CREB5: variants seen among roughly 807,000 people sequenced by gnomAD.
The protein encoded by CREB5 is cAMP responsive element binding protein 5, also known as cyclic AMP-responsive element-binding protein 5.
A neutral mutation model predicts 57.1 loss-of-function variants in CREB5; 19 were observed. The ratio of observed to expected loss-of-function variants is 0.33; its 90% CI spans 0.23 to 0.49. CREB5 has a LOEUF of 0.49. Ranked by LOEUF, CREB5 falls within the 20% of genes least tolerant of loss-of-function variation. The pLI is 0.99. For missense variants in CREB5, 579 were observed against 671.6 expected (o/e 0.86, Z 1.52); for synonymous variants, 238 against 238.3 (o/e 1.00, Z 0.01).
At chr7:28,356,050 G>A (rs928382683) in intron 1 of CREB5, among the ~76,000 whole-genome samples, 2 of 152,168 alleles carry the variant, frequency 1.3e-5, no homozygotes, top group African/African-American at 4.8e-5. Flanking sequence ...TTGTAAACAC[G>A]CCTCTCTGTT....
rs1787277191 is a variant in CREB5, at chr7:28,393,790, T to G, written c.-25+94349T>G. Among the ~76,000 whole-genome samples the G allele has an allele frequency of 2.0e-5, 3 of 152,240 alleles. 1 individual carries two copies. In the South Asian group the frequency reaches 6.2e-4, roughly 32 times the overall value. On this transcript the variant is annotated intron_variant, in intron 1 of 9. Coordinates refer to the CREB5 transcript ENST00000396299. ...AAATGGTGTAGTGTTAAAGTGGACT[T>G]GGGACTGGGCGCGGTGGCTCACGCC...
intron 5 of CREB5, among the ~76,000 whole-genome samples, chr7:28,608,113 T>TCTCACACACA (rs1484747649): frequency 7.0e-6 from 1 of 143,070 alleles, no homozygotes; most frequent in African/African-American, 2.7e-5. Flanking sequence ...TCTCTCTCTC[T>TCTCACACACA]CACACACACT....
chr7:28,631,624 G>A (rs1184412773), intron 5 of CREB5, among the ~76,000 whole-genome samples: 2 of 152,120 alleles, frequency 1.3e-5, no homozygotes, highest in African/African-American at 2.4e-5. Context: ...TGCAGTGGCA[G>A]CGTGATCTCG....
intron 1 of CREB5, among the ~76,000 whole-genome samples, chr7:28,437,552 T>G (rs1391213650): frequency 6.6e-6 from 1 of 152,194 alleles, no homozygotes; most frequent in Non-Finnish European, 1.5e-5. Flanking sequence ...ACCAAATATT[T>G]TAGTGAGTGC....
At chr7:28,300,504 G>A (rs6978822) in intron 1 of CREB5, among the ~76,000 whole-genome samples, 83,018 of 152,104 alleles carry the variant, frequency 0.55, 25,351 homozygotes, top group East Asian at 0.82. Context: ...GCCCCTGTGC[G>A]TAGTACCTGT....
chr7:28,519,087 C>T (rs11980665), intron 4 of CREB5, among the ~76,000 whole-genome samples: 26,786 of 152,110 alleles, frequency 0.18, 4,059 homozygotes, highest in African/African-American at 0.42. Context: ...GTCCAAAAAG[C>T]GAGCAGGAAA....
intron 4 of CREB5, among the ~76,000 whole-genome samples, chr7:28,529,180 TC>T (rs1258957565): frequency 6.6e-6 from 1 of 152,220 alleles, no homozygotes; most frequent in African/African-American, 2.4e-5. Flanking sequence ...ATCTGGAGGT[TC>T]TGGAGACCAG....
At chr7:28,702,858 G>A (rs1301256118) in intron 5 of CREB5, among the ~76,000 whole-genome samples, 1 of 152,178 alleles carries the variant, frequency 6.6e-6, no homozygotes, top group Non-Finnish European at 1.5e-5. Flanking sequence ...AAGGATGAAT[G>A]AGAATTTGTC....
Position 28,560,911 on chromosome 7 carries a change from T to TGCGCGTGTGTGC in CREB5, c.292-9453_292-9452insCGCGTGTGTGCG, listed in dbSNP as rs1174704522. On this transcript the variant is annotated intron_variant, in intron 4 of 10. Coordinates refer to ENST00000357727, the MANE Select transcript of CREB5 (RefSeq NM_182898.4). ...GCGTGTGTGTGCGTGCGCGCGTGCG[T>TGCGCGTGTGTGC]GTGCGTGTGTGCGCGTGCGTGTGTG... Among the ~76,000 whole-genome samples, 5 of 36,068 alleles carry TGCGCGTGTGTGC rather than the reference T, an allele frequency of 1.4e-4. 1 individual carries two copies. Among genetic ancestry groups the TGCGCGTGTGTGC allele is most frequent in the African/African-American group, 7.7e-4 (5 of 6,522 alleles). 23.7% of individuals were successfully genotyped at this position (36,068 alleles called of 152,430 possible).
chr7:28,589,830 A>G (rs1285975777), intron 5 of CREB5, among the ~76,000 whole-genome samples: 1 of 152,150 alleles, frequency 6.6e-6, no homozygotes. Flanking sequence ...AAGGAGCAGG[A>G]GAGAAAAGGG....
intron 1 of CREB5, among the ~76,000 whole-genome samples, chr7:28,351,566 A>G (rs1000912867): frequency 6.6e-6 from 1 of 152,212 alleles, no homozygotes; most frequent in African/African-American, 2.4e-5. Flanking sequence ...TTAATCATTG[A>G]TATCATTTCA....
intron 4 of CREB5, among the ~76,000 whole-genome samples, chr7:28,522,746 T>C (rs564299697): frequency 6.6e-6 from 1 of 152,312 alleles, no homozygotes; most frequent in South Asian, 2.1e-4. Context: ...TTGAGCTTCG[T>C]CTTAGCTCTG....
At chr7:28,586,795 C>G (rs1796321824) in intron 5 of CREB5, among the ~76,000 whole-genome samples, 3 of 152,232 alleles carry the variant, frequency 2.0e-5, no homozygotes. Flanking sequence ...CTGGCAGCAA[C>G]AAGTGAGAAA....
At chr7:28,686,309 C>A in intron 5 of CREB5, 1 of 754,010 alleles carries the variant, frequency 1.3e-6, no homozygotes, top group South Asian at 1.6e-5. Context: ...ATTTTCTCCC[C>A]CTTCTCCCTT....
intron 1 of CREB5, among the ~76,000 whole-genome samples, chr7:28,321,226 T>G (rs1055405463): frequency 1.3e-5 from 2 of 152,216 alleles, no homozygotes; most frequent in Non-Finnish European, 2.9e-5. Context: ...TCCTCTTTTT[T>G]TTTGTACCCT....
intron 7 of CREB5, among the ~76,000 whole-genome samples, chr7:28,787,418 C>A (rs1178663399): frequency 6.6e-6 from 1 of 152,174 alleles, no homozygotes; most frequent in Non-Finnish European, 1.5e-5. Context: ...TCTAATATAC[C>A]TTCAACTTTA....
At chr7:28,650,405 T>C (rs1799078734) in intron 5 of CREB5, among the ~76,000 whole-genome samples, 1 of 152,186 alleles carries the variant, frequency 6.6e-6, no homozygotes. Context: ...AAAGCAGTAT[T>C]GATTGCCTTG....
intron 5 of CREB5, among the ~76,000 whole-genome samples, chr7:28,598,054 G>A (rs925533591): frequency 3.9e-5 from 6 of 152,120 alleles, no homozygotes; most frequent in African/African-American, 1.4e-4. Flanking sequence ...CATGTGATAT[G>A]GTTTGGCTGT....
At chr7:28,818,504 C>G (rs2128809647) in intron 10 of CREB5, among the ~76,000 whole-genome samples, 1 of 152,332 alleles carries the variant, frequency 6.6e-6, no homozygotes, top group Non-Finnish European at 1.5e-5. Flanking sequence ...GCCTAGCAGT[C>G]GCCTTCAGAA....
Sources: gnomAD v4.1 joint callset for allele counts (sites outside exome capture counted in the v4.1 genomes callset) on GRCh38, gnomAD v4.1.1 for gene constraint, MANE v1.5 for transcripts, NCBI Gene and HGNC (gene_info 2026-07-23, HGNC 2026-07-21) for gene names.